The following ARHGAP24 variants were observed in gnomAD, a reference collection of about 807,000 sequenced individuals.
ARHGAP24 encodes the protein rho GTPase-activating protein 24.
A neutral mutation model predicts 76.4 loss-of-function variants in ARHGAP24; 50 were observed. The ratio of observed to expected loss-of-function variants is 0.65; its 90% CI spans 0.52 to 0.83. The LOEUF (loss-of-function observed/expected upper bound fraction) is 0.83. Among genes scored for constraint, ARHGAP24 ranks in the 40% least tolerant of loss-of-function variants. The probability of loss-of-function intolerance (pLI) is 0.00; values close to 1 mark genes in which losing one functional copy is unlikely to be tolerated. For missense variants in ARHGAP24, 930 were observed against 914.2 expected (o/e 1.02, Z -0.22); for synonymous variants, 345 against 323.3 (o/e 1.07, Z -0.72).
At chr4:85,626,538 C>T (rs867494093) in intron 2 of ARHGAP24, among the ~76,000 whole-genome samples, 4 of 152,190 alleles carry the variant, frequency 2.6e-5, no homozygotes, top group African/African-American at 9.7e-5. Context: ...TTTGGTGAAT[C>T]TGACAATTAT....
rs141725163 is a variant in ARHGAP24, at chr4:85,936,563, T to TATA, written c.392-5492_392-5490dup. On this transcript the variant is annotated intron_variant, in intron 4 of 9. Transcript: ENST00000395184. ...TATGTAGCTGCTTTCTAATATTTAT[T>TATA]ATAATAATAATAAATGTAAAACAAT... is the stretch of plus-strand genomic sequence containing the variant. 2.0e-5 allele frequency among the ~76,000 whole-genome samples: 3 copies of TATA among 152,010 alleles called. No individual in the cohort carries two copies. The South Asian group carries it at 6.2e-4, about 32-fold the overall frequency.
intron 2 of ARHGAP24, among the ~76,000 whole-genome samples, chr4:85,618,077 A>T (rs1268728723): frequency 1.3e-5 from 2 of 152,190 alleles, no homozygotes; most frequent in Non-Finnish European, 2.9e-5. Context: ...CATGTTGTAC[A>T]TTAAATCTCC....
In ARHGAP24 at chr4:85,847,396, G is replaced by A. The variant is rs186326469; in HGVS notation, c.269-76252G>A. ...TAGACACAGAAGATATTTAATAATG[G>A]TATAATATAGGTATTAATGATGCTT... On this transcript the variant is annotated intron_variant, in intron 3 of 9. Coordinates refer to ENST00000395184, the MANE Select transcript of ARHGAP24 (RefSeq NM_001025616.3). 5.3e-5 allele frequency among the ~76,000 whole-genome samples: 8 copies of A among 152,172 alleles called. No homozygotes were observed. In the East Asian group the frequency reaches 1.5e-3, roughly 29 times the overall value.
chr4:85,617,350 C>T (rs1331808222), intron 2 of ARHGAP24, among the ~76,000 whole-genome samples: 1 of 151,434 alleles, frequency 6.6e-6, no homozygotes, highest in African/African-American at 2.4e-5. Flanking sequence ...TTCTGTTACT[C>T]AGCCAACAGT....
intron 3 of ARHGAP24, among the ~76,000 whole-genome samples, chr4:85,819,393 C>T (rs902865849): frequency 1.3e-5 from 2 of 151,964 alleles, no homozygotes; most frequent in African/African-American, 4.8e-5. Flanking sequence ...AAGTGATTTA[C>T]CCAAGGTTGC....
At chr4:85,986,684 A>G (rs1432690816) in intron 8 of ARHGAP24, among the ~76,000 whole-genome samples, 1 of 152,170 alleles carries the variant, frequency 6.6e-6, no homozygotes, top group South Asian at 2.1e-4. Context: ...CGGAGAGTAG[A>G]TGAGAACTGA....
chr4:85,942,442 T>A lies in ARHGAP24; in HGVS notation c.599+169T>A. On this transcript the variant is annotated intron_variant, in intron 5 of 9. Transcript: ENST00000395184. ...TTCTATTAAGTTACAAAGTCAAAAA[T>A]TGGGCACCTTAGATATCTTTCTCTT... 7 of 751,514 alleles carry A rather than the reference T, an allele frequency of 9.3e-6. No homozygotes were observed. In the South Asian group the frequency reaches 1.3e-4, roughly 14 times the overall value. The allele number at this position is 751,514 out of a possible 1,614,324, so 46.6% of individuals were successfully genotyped here. A position where few individuals can be genotyped will look rare whatever the true frequency, so the allele number is the denominator to read the frequency against.
intron 3 of ARHGAP24, among the ~76,000 whole-genome samples, chr4:85,882,528 T>C (rs1733317425): frequency 6.6e-6 from 1 of 152,162 alleles, no homozygotes; most frequent in Non-Finnish European, 1.5e-5. Flanking sequence ...CATTAAACCC[T>C]TTTTGTTCCC....
intron 2 of ARHGAP24, chr4:85,686,547 A>G (rs373286422): frequency 6.6e-6 from 1 of 152,198 alleles, no homozygotes; most frequent in African/African-American, 2.4e-5. Flanking sequence ...GGAGAGGTAT[A>G]TATAGTATTG....
intron 3 of ARHGAP24, among the ~76,000 whole-genome samples, chr4:85,830,091 C>T (rs770570805): frequency 2.0e-5 from 3 of 152,224 alleles, no homozygotes; most frequent in Non-Finnish European, 4.4e-5. Context: ...TGATAAATAT[C>T]TCTAATTTTC....
chr4:85,924,580 A>G (rs1735911657), intron 4 of ARHGAP24: 1 of 152,116 alleles, frequency 6.6e-6, no homozygotes, highest in Non-Finnish European at 1.5e-5. Context: ...TTTATAAACA[A>G]TTACAATCCT....
chr4:85,827,221 A>T (rs1729756587), intron 3 of ARHGAP24, among the ~76,000 whole-genome samples: 1 of 152,208 alleles, frequency 6.6e-6, no homozygotes, highest in Admixed American at 6.5e-5. Context: ...ATACATCTTT[A>T]CTATATTTTA....
chr4:85,829,948 C>A (rs1729905332), intron 3 of ARHGAP24, among the ~76,000 whole-genome samples: 1 of 152,180 alleles, frequency 6.6e-6, no homozygotes, highest in South Asian at 2.1e-4. Context: ...CCTCAACATG[C>A]AAAGAGGTTT....
At chr4:85,771,805 G>T (rs1019126638) in intron 3 of ARHGAP24, among the ~76,000 whole-genome samples, 4 of 152,274 alleles carry the variant, frequency 2.6e-5, no homozygotes, top group Admixed American at 6.5e-5. Context: ...TGCCTCCCGG[G>T]TTCAAGTGAT....
intron 3 of ARHGAP24, among the ~76,000 whole-genome samples, chr4:85,894,150 G>T (rs1159160806): frequency 1.3e-5 from 2 of 150,214 alleles, no homozygotes; most frequent in South Asian, 2.1e-4. Context: ...ATGCAGGTTT[G>T]TGGGTGAAAA....
intron 3 of ARHGAP24, among the ~76,000 whole-genome samples, chr4:85,867,896 T>A (rs1732285434): frequency 1.7e-4 from 2 of 11,628 alleles, no homozygotes; most frequent in South Asian, 0.031. Context: ...TGTGTGTGTG[T>A]ACATATATAT....
intron 3 of ARHGAP24, among the ~76,000 whole-genome samples, chr4:85,850,130 G>A (rs345340): frequency 0.21 from 32,458 of 151,802 alleles, 4,379 homozygotes; most frequent in Non-Finnish European, 0.32. Context: ...TTCAGAACCT[G>A]TTATTGGTCT....
chr4:85,733,060 C>CTTTTT lies in ARHGAP24; in HGVS notation c.268+11105_268+11109dup, dbSNP rs1210109366. On this transcript the variant is annotated intron_variant, in intron 3 of 9. Coordinates refer to ENST00000395184, the MANE Select transcript of ARHGAP24 (RefSeq NM_001025616.3). ...CTATAGATCTTATAGGCCTCACCAA[C>CTTTTT]TTTTTTTTTTTTTTTTTTTTTGAGA... 1.2e-3 allele frequency among the ~76,000 whole-genome samples: 66 copies of CTTTTT among 55,202 alleles called. 21 individuals carry two copies. The highest frequency in any genetic ancestry group is 0.01 in the East Asian group (18 of 1,734). The allele number at this position is 55,202 out of a possible 152,430, so 36.2% of individuals were successfully genotyped here. A position where few individuals can be genotyped will look rare whatever the true frequency, so the allele number is the denominator to read the frequency against.
At chr4:85,791,838 A>G (rs1728145550) in intron 3 of ARHGAP24, among the ~76,000 whole-genome samples, 1 of 152,162 alleles carries the variant, frequency 6.6e-6, no homozygotes. Flanking sequence ...AAAAATTTCA[A>G]ATGTTTTGAT....
Sources: gnomAD v4.1 joint callset for allele counts (sites outside exome capture counted in the v4.1 genomes callset) on GRCh38, gnomAD v4.1.1 for gene constraint, MANE v1.5 for transcripts, NCBI Gene and HGNC (gene_info 2026-07-23, HGNC 2026-07-21) for gene names.